The following TRIM71 variants were observed in gnomAD, a reference collection of about 807,000 sequenced individuals.
TRIM71 encodes the protein E3 ubiquitin-protein ligase TRIM71.
Under a neutral mutation model 61.2 loss-of-function variants are expected in TRIM71, and 9 were observed. That is an observed-to-expected ratio of 0.15 (90% CI 0.09 to 0.26). TRIM71 has a LOEUF of 0.26. Among genes scored for constraint, TRIM71 ranks in the 10% least tolerant of loss-of-function variants. The pLI, the probability that TRIM71 is intolerant of heterozygous loss-of-function variation, is 1.00. For missense variants in TRIM71, 998 were observed against 1,238.7 expected, an observed-to-expected ratio of 0.81 and a Z score of 2.92; for synonymous variants, 645 against 553.2, an observed-to-expected ratio of 1.17 and a Z score of -2.33.
intron 1 of TRIM71, among the ~76,000 whole-genome samples, chr3:32,852,216 A>ACGGCCTAAACTGGAG (rs1696546229): frequency 6.6e-6 from 1 of 152,160 alleles, no homozygotes; most frequent in South Asian, 2.1e-4. Flanking sequence ...GGACAGTGTC[A>ACGGCCTAAACTGGAG]CGGCCTAAAC....
intron 1 of TRIM71, among the ~76,000 whole-genome samples, chr3:32,819,902 C>T (rs1281936472): frequency 6.6e-6 from 1 of 152,272 alleles, no homozygotes; most frequent in African/African-American, 2.4e-5. Context: ...GGCTACATTG[C>T]AACCCTCGGG....
In TRIM71 at chr3:32,891,066, T is replaced by C; in HGVS notation, c.1862T>C (p.Ile621Thr). 6.2e-7 allele frequency: 1 copy of C among 1,612,544 alleles called. No individual in the cohort carries two copies. Among genetic ancestry groups the C allele is most frequent in the Non-Finnish European group, 8.5e-7 (1 of 1,179,894 alleles). ...AGTGTAGACAAGGAGGGCTACATCA[T>C]TGTCGCCGACCGCAGCAACAACCGC... is the stretch of plus-strand genomic sequence containing the variant. ...GVSVDKEGYI[I>T]VADRSNNRIQ... The change falls in exon 4 of 4, where the codon ATT (isoleucine) becomes ACT (threonine). Residue 621 changes from isoleucine (I) to threonine (T), a missense_variant. By Grantham distance (89) the Ile-to-Thr change is moderately conservative. Transcript: ENST00000383763. This position sits in a 1 kb window ranked among gnomAD's most constrained non-coding sequence, Gnocchi z 8.2.
Position 32,855,990 on chromosome 3 carries a change from T to TTTTATTTATTTATTTA in TRIM71, c.853-17816_853-17801dup, listed in dbSNP as rs36138060. Among the ~76,000 whole-genome samples the TTTTATTTATTTATTTA allele has an allele frequency of 5.3e-5, 8 of 151,126 alleles. No homozygotes were observed. In the East Asian group the frequency reaches 1.6e-3, roughly 30 times the overall value. ...GAAGGTACCTAGTTTTCTCTAATAG[T>TTTTATTTATTTATTTA]TTTATTTATTTATTTATTTATTTAT... On this transcript the variant is annotated intron_variant, in intron 1 of 3. Transcript: ENST00000383763.
At chr3:32,881,940 C>A (rs763025688) in intron 2 of TRIM71, among the ~76,000 whole-genome samples, 16 of 152,182 alleles carry the variant, frequency 1.1e-4, no homozygotes, top group Admixed American at 3.9e-4. Flanking sequence ...TGCATGCTTG[C>A]TGATTATTAA....
intron 1 of TRIM71, among the ~76,000 whole-genome samples, chr3:32,871,271 TGA>T (rs1033628127): frequency 6.6e-6 from 1 of 152,056 alleles, no homozygotes; most frequent in Admixed American, 6.5e-5. Flanking sequence ...GCCATGGAGA[TGA>T]GAGCAATCTA....
chr3:32,891,850 G>GTTTC lies in TRIM71; in HGVS notation c.*40_*41insTTCT. The GTTTC allele has an allele frequency of 1.9e-6, 3 of 1,574,704 alleles. No homozygotes were observed. Among genetic ancestry groups the GTTTC allele is most frequent in the Non-Finnish European group, 2.6e-6 (3 of 1,161,364 alleles). On this transcript the variant is annotated 3_prime_UTR_variant, in exon 4 of 4. Coordinates refer to ENST00000383763, the MANE Select transcript of TRIM71 (RefSeq NM_001039111.3). The surrounding 1 kb of genome is among the most constrained non-coding windows in gnomAD (Gnocchi z 8.2). ...GTTTCTGTGTTTGGGGTGTGTGTGC[G>GTTTC]TGTCTCTCTCTCTCTCTCTCTCTTT...
At chr3:32,887,481 C>CTTTTTTTT (rs10615630) in intron 3 of TRIM71, among the ~76,000 whole-genome samples, 16 of 110,006 alleles carry the variant, frequency 1.5e-4, no homozygotes, top group African/African-American at 4.3e-4. Context: ...TAATTACTGA[C>CTTTTTTTT]TTTTTTTTTT....
chr3:32,877,432 C>G (rs976063581), intron 2 of TRIM71, among the ~76,000 whole-genome samples: 1 of 151,676 alleles, frequency 6.6e-6, no homozygotes, highest in Non-Finnish European at 1.5e-5. Flanking sequence ...CAGGATCTCT[C>G]TCAAACTCCT....
At chr3:32,883,894 A>C (rs902587027) in intron 2 of TRIM71, among the ~76,000 whole-genome samples, 1 of 152,226 alleles carries the variant, frequency 6.6e-6, no homozygotes, top group African/African-American at 2.4e-5. Flanking sequence ...ACATTACAGA[A>C]ATGTGCTGTT....
In TRIM71 at chr3:32,857,428, A is replaced by G. The variant is rs190773936; in HGVS notation, c.853-16390A>G. ...AATTTCTAGCCATTTTTAGCAAGCA[A>G]TTTTTTTCTAACTGGCCTCATGTGC... On this transcript the variant is annotated intron_variant, in intron 1 of 3. Coordinates refer to ENST00000383763, the MANE Select transcript of TRIM71 (RefSeq NM_001039111.3). Among the ~76,000 whole-genome samples the G allele has an allele frequency of 9.2e-5, 14 of 152,192 alleles. No individual in the cohort carries two copies. In the East Asian group the frequency reaches 1.9e-3, roughly 21 times the overall value.
chr3:32,842,509 T>C (rs1163662250), intron 1 of TRIM71, among the ~76,000 whole-genome samples: 1 of 152,254 alleles, frequency 6.6e-6, no homozygotes, highest in Admixed American at 6.5e-5. Context: ...AATTAAGCCA[T>C]TGTACCAGCA....
In TRIM71 at chr3:32,818,617, G is replaced by C. The variant is rs769142829; in HGVS notation, c.537G>C (p.Ser179=). 55 of 1,407,312 alleles carry C rather than the reference G, an allele frequency of 3.9e-5. No individual in the cohort carries two copies. The highest frequency in any genetic ancestry group is 4.6e-6 in the Non-Finnish European group (5 of 1,088,434). The allele number at this position is 1,407,312 out of a possible 1,614,324, so 87.2% of individuals were successfully genotyped here. ...QAPQPPAPSR[S]APGGPAASPS... ...CGCAGCCGCCCGCGCCTTCCCGCTCGGCACCCGGCGGCCCTGCCGCTTCCC... is the reference window on the plus strand; with the variant it reads ...CGCAGCCGCCCGCGCCTTCCCGCTCCGCACCCGGCGGCCCTGCCGCTTCCC... Residue 179 remains serine, a synonymous_variant, in exon 1 of 4, where the codon TCG becomes TCC. Coordinates refer to ENST00000383763, the MANE Select transcript of TRIM71 (RefSeq NM_001039111.3).
rs1228784733 is a variant in TRIM71, at chr3:32,896,903, G to C, written c.*5092G>C. The C allele has an allele frequency of 2.0e-5, 3 of 152,136 alleles. No individual in the cohort carries two copies. Among genetic ancestry groups the C allele is most frequent in the African/African-American group, 7.2e-5 (3 of 41,416 alleles). The allele number at this position is 152,136 out of a possible 1,614,324, so 9.4% of individuals were successfully genotyped here. A position where few individuals can be genotyped will look rare whatever the true frequency, so the allele number is the denominator to read the frequency against. On this transcript the variant is annotated 3_prime_UTR_variant, in exon 4 of 4. Coordinates refer to ENST00000383763, the MANE Select transcript of TRIM71 (RefSeq NM_001039111.3). ...CTGTAAGTTCTTTGTGTTTCTAGCA[G>C]TCTGTGTAGTTGTCTTTCTTCAGAG... is the stretch of plus-strand genomic sequence containing the variant.
intron 1 of TRIM71, among the ~76,000 whole-genome samples, chr3:32,846,667 G>GCCCCCCGCTCCAA (rs1696478617): frequency 4.5e-5 from 1 of 22,382 alleles, no homozygotes; most frequent in Non-Finnish European, 8.3e-5. Context: ...CCTGTCCCCA[G>GCCCCCCGCTCCAA]CCCCCCGCTC....
intron 2 of TRIM71, among the ~76,000 whole-genome samples, chr3:32,881,997 TG>T (rs1261266904): frequency 2.0e-5 from 3 of 152,292 alleles, no homozygotes; most frequent in South Asian, 2.1e-4. Flanking sequence ...GTTTGAAAAA[TG>T]GAAGAAGCAA....
chr3:32,868,631 T>C (rs1398236023), intron 1 of TRIM71, among the ~76,000 whole-genome samples: 1 of 149,606 alleles, frequency 6.7e-6, no homozygotes, highest in East Asian at 1.9e-4. Context: ...ACGCCTAGAA[T>C]AAAGCTTTTT....
chr3:32,838,706 G>A (rs1696363892), intron 1 of TRIM71, among the ~76,000 whole-genome samples: 1 of 152,150 alleles, frequency 6.6e-6, no homozygotes, highest in Non-Finnish European at 1.5e-5. Flanking sequence ...AAAGTTCATA[G>A]CTTTTCAGGC....
chr3:32,830,851 C>A (rs908521453), intron 1 of TRIM71, among the ~76,000 whole-genome samples: 1 of 152,080 alleles, frequency 6.6e-6, no homozygotes, highest in Non-Finnish European at 1.5e-5. Flanking sequence ...TGTTTTTTTG[C>A]TGGAACTGGA....
At chr3:32,881,469 T>C (rs1440185009) in intron 2 of TRIM71, among the ~76,000 whole-genome samples, 1 of 152,178 alleles carries the variant, frequency 6.6e-6, no homozygotes, top group Admixed American at 6.5e-5. Context: ...CTGATCGATA[T>C]CTATATTCTT....
Sources: allele counts gnomAD v4.1 joint callset (sites outside exome capture counted in the v4.1 genomes callset), GRCh38; gene constraint gnomAD v4.1.1; non-coding constraint Gnocchi (gnomAD v3.1); transcripts MANE v1.5; gene names NCBI Gene and HGNC (gene_info 2026-07-23, HGNC 2026-07-21).